The following NR2F1-AS1 variants were observed in gnomAD, a reference collection of about 807,000 sequenced individuals.
NR2F1-AS1 encodes NR2F1 antisense RNA 1.
At chr5:93,564,798 T>C (rs762152816) in intron 1 of NR2F1-AS1, among the ~76,000 whole-genome samples, 3 of 152,158 alleles carry the variant, frequency 2.0e-5, no homozygotes, top group African/African-American at 7.2e-5. Context: ...ATCAAAAAAT[T>C]AACTGTAGAG....
At chr5:93,495,169 C>T (rs993834731) in intron 4 of NR2F1-AS1, among the ~76,000 whole-genome samples, 1 of 152,094 alleles carries the variant, frequency 6.6e-6, no homozygotes, top group Non-Finnish European at 1.5e-5. Flanking sequence ...TGACATTATA[C>T]TTACATGGAT....
intron 4 of NR2F1-AS1, among the ~76,000 whole-genome samples, chr5:93,530,419 A>C (rs909441255): frequency 1.3e-5 from 2 of 152,094 alleles, no homozygotes; most frequent in African/African-American, 4.8e-5. Flanking sequence ...AGATTTCTGT[A>C]CCAGTAATAC....
intron 4 of NR2F1-AS1, among the ~76,000 whole-genome samples, chr5:93,506,667 T>A (rs1751191583): frequency 1.3e-5 from 2 of 152,104 alleles, no homozygotes; most frequent in Admixed American, 6.6e-5. Flanking sequence ...ACCCATCATA[T>A]TTCGTGAGAC....
intron 4 of NR2F1-AS1, among the ~76,000 whole-genome samples, chr5:93,524,614 C>G (rs1482231558): frequency 1.3e-5 from 2 of 152,146 alleles, no homozygotes; most frequent in African/African-American, 4.8e-5. Flanking sequence ...ACAGTAAGGT[C>G]GGGTCACCTA....
At chr5:93,508,463 A>G (rs1390856664) in intron 4 of NR2F1-AS1, among the ~76,000 whole-genome samples, 1 of 152,164 alleles carries the variant, frequency 6.6e-6, no homozygotes, top group African/African-American at 2.4e-5. Context: ...AATAAACTCC[A>G]GGTGGATTTT....
chr5:93,560,050 G>C (rs1752451925), intron 2 of NR2F1-AS1, among the ~76,000 whole-genome samples: 1 of 152,158 alleles, frequency 6.6e-6, no homozygotes, highest in Non-Finnish European at 1.5e-5. Context: ...AACAAAATAT[G>C]CCTGTATATG....
intron 1 of NR2F1-AS1, among the ~76,000 whole-genome samples, chr5:93,577,196 AAGG>A (rs1304834867): frequency 6.6e-6 from 1 of 152,252 alleles, no homozygotes; most frequent in African/African-American, 2.4e-5. Context: ...CCTAGGCCAA[AAGG>A]AGAAGTGCTT....
chr5:93,554,774 C>T (rs1752314609), intron 3 of NR2F1-AS1: 1 of 152,126 alleles, frequency 6.6e-6, no homozygotes, highest in Admixed American at 6.6e-5. Context: ...ATTCTTCTTT[C>T]AGTGCTCCAT....
intron 4 of NR2F1-AS1, among the ~76,000 whole-genome samples, chr5:93,456,223 T>G (rs1190695640): frequency 6.6e-6 from 1 of 152,142 alleles, no homozygotes; most frequent in Non-Finnish European, 1.5e-5. Context: ...CCTACCAAAC[T>G]AATAAATGAG....
intron 4 of NR2F1-AS1, among the ~76,000 whole-genome samples, chr5:93,445,220 TAG>T (rs1749670292): frequency 6.6e-6 from 1 of 151,656 alleles, no homozygotes; most frequent in South Asian, 2.1e-4. Context: ...CTGAAGGAGA[TAG>T]AGACACAAAA....
chr5:93,459,239 T>C (rs886806884), intron 4 of NR2F1-AS1, among the ~76,000 whole-genome samples: 1 of 152,138 alleles, frequency 6.6e-6, no homozygotes, highest in African/African-American at 2.4e-5. Context: ...ATTTGAAATA[T>C]TCAATATTTG....
At chr5:93,552,295 T>G (rs1752249149) in intron 4 of NR2F1-AS1, among the ~76,000 whole-genome samples, 1 of 152,078 alleles carries the variant, frequency 6.6e-6, no homozygotes, top group African/African-American at 2.4e-5. Flanking sequence ...TGAATGAAAG[T>G]TGGTACCTAT....
chr5:93,421,758 A>C, intron 4 of NR2F1-AS1, among the ~76,000 whole-genome samples: 1 of 152,186 alleles, frequency 6.6e-6, no homozygotes. Flanking sequence ...GGCTGCCGAC[A>C]CTGGATGCCG....
chr5:93,498,217 AAG>A (rs1432332053), intron 4 of NR2F1-AS1, among the ~76,000 whole-genome samples: 1 of 151,978 alleles, frequency 6.6e-6, no homozygotes, highest in East Asian at 1.9e-4. Context: ...TTACAACCAA[AAG>A]ATAATAATAA....
intron 4 of NR2F1-AS1, among the ~76,000 whole-genome samples, chr5:93,417,695 T>C (rs1748996561): frequency 6.6e-6 from 1 of 152,248 alleles, no homozygotes; most frequent in Non-Finnish European, 1.5e-5. Flanking sequence ...TGGTCATTCC[T>C]AGCTGTTGAA....
chr5:93,438,265 T>C (rs183376069), intron 4 of NR2F1-AS1, among the ~76,000 whole-genome samples: 53 of 152,368 alleles, frequency 3.5e-4, no homozygotes, highest in Non-Finnish European at 7.3e-4. Flanking sequence ...TTCAACGGAA[T>C]CTACAGAAGT....
chr5:93,435,815 A>G (rs940273508), intron 4 of NR2F1-AS1, among the ~76,000 whole-genome samples: 5 of 152,214 alleles, frequency 3.3e-5, no homozygotes, highest in Admixed American at 3.3e-4. Context: ...AATTGGTTTA[A>G]CCCATCAATG....
intron 4 of NR2F1-AS1, among the ~76,000 whole-genome samples, chr5:93,505,530 T>C (rs553074147): frequency 1.4e-4 from 22 of 152,334 alleles, no homozygotes; most frequent in African/African-American, 5.3e-4. Flanking sequence ...CTTTTGTCTG[T>C]GCATCCTGGA....
intron 1 of NR2F1-AS1, among the ~76,000 whole-genome samples, chr5:93,578,561 C>G (rs1390430362): frequency 6.6e-6 from 1 of 152,170 alleles, no homozygotes; most frequent in Non-Finnish European, 1.5e-5. Context: ...GGGCTGAGCC[C>G]CTGTGGGCCT....
Sources: gnomAD v4.1 joint callset for allele counts (sites outside exome capture counted in the v4.1 genomes callset) on GRCh38, gnomAD v4.1.1 for gene constraint, MANE v1.5 for transcripts, NCBI Gene and HGNC (gene_info 2026-07-23, HGNC 2026-07-21) for gene names.